The following TMTC1 variants were observed in gnomAD, a reference collection of about 807,000 sequenced individuals.
TMTC1 encodes transmembrane O-mannosyltransferase targeting cadherins 1, also known as protein O-mannosyl-transferase TMTC1.
TMTC1 carries 73 observed loss-of-function variants against 104.8 expected under a neutral mutation model. The observed-to-expected ratio is 0.70, with a 90% confidence interval of 0.58 to 0.85. The LOEUF (loss-of-function observed/expected upper bound fraction) is 0.85, where lower values mean the gene tolerates loss of function less well. Among genes scored for constraint, TMTC1 ranks in the 40% least tolerant of loss-of-function variants. The pLI is 0.00. For missense variants in TMTC1, 1,035 were observed against 1,096.1 expected, an observed-to-expected ratio of 0.94 and a Z score of 0.79; for synonymous variants, 434 against 428.7, an observed-to-expected ratio of 1.01 and a Z score of -0.15.
intron 4 of TMTC1, 62 bp downstream of exon 4, chr12:29,755,647 A>ATTGT (rs3830194): frequency 6.3e-6 from 9 of 1,431,656 alleles, no homozygotes; most frequent in Non-Finnish European, 7.6e-6. Flanking sequence ...TTTGGAAACT[A>ATTGT]TTAAGTAATT....
At chr12:29,630,279 A>G (rs1002073872) in intron 6 of TMTC1, among the ~76,000 whole-genome samples, 1 of 152,210 alleles carries the variant, frequency 6.6e-6, no homozygotes, top group East Asian at 1.9e-4. Context: ...AGGCTTCAGG[A>G]AACTTACAAT....
chr12:29,688,262 C>A (rs1039715485), intron 5 of TMTC1, among the ~76,000 whole-genome samples: 7 of 152,124 alleles, frequency 4.6e-5, no homozygotes, highest in African/African-American at 1.7e-4. Flanking sequence ...TAGACTCCTT[C>A]CCATCTCTCT....
At chr12:29,648,848 G>A (rs73073468) in intron 5 of TMTC1, among the ~76,000 whole-genome samples, 17,937 of 151,980 alleles carry the variant, frequency 0.12, 1,066 homozygotes, top group African/African-American at 0.14. Context: ...AATTATGAAT[G>A]GGATTTTTTA....
At chr12:29,521,304 G>A (rs751952186) in intron 11 of TMTC1, among the ~76,000 whole-genome samples, 4 of 152,192 alleles carry the variant, frequency 2.6e-5, no homozygotes, top group Non-Finnish European at 5.9e-5. Context: ...CTTGAAGTAT[G>A]TCTACAGCCC....
chr12:29,553,354 C>G (rs1014696812), intron 10 of TMTC1, among the ~76,000 whole-genome samples: 1 of 152,126 alleles, frequency 6.6e-6, no homozygotes, highest in East Asian at 1.9e-4. Context: ...TTAAAAGAAA[C>G]TTATCTGTAA....
intron 11 of TMTC1, among the ~76,000 whole-genome samples, chr12:29,524,369 T>C (rs1203848815): frequency 1.3e-5 from 2 of 152,216 alleles, no homozygotes; most frequent in Admixed American, 6.5e-5. Context: ...ATCTCTGTAA[T>C]AGTCAATGCA....
chr12:29,571,187 T>G (rs1945666335), intron 9 of TMTC1, among the ~76,000 whole-genome samples: 1 of 152,168 alleles, frequency 6.6e-6, no homozygotes, highest in African/African-American at 2.4e-5. Context: ...TTCAAAGGCT[T>G]CTGTGAGCAT....
intron 5 of TMTC1, among the ~76,000 whole-genome samples, chr12:29,716,020 T>C (rs1942070027): frequency 2.0e-5 from 3 of 146,884 alleles, no homozygotes; most frequent in African/African-American, 7.6e-5. Flanking sequence ...ATTATTATTA[T>C]TATTATTATT....
At chr12:29,686,071 A>C (rs1941082377) in intron 5 of TMTC1, among the ~76,000 whole-genome samples, 1 of 152,144 alleles carries the variant, frequency 6.6e-6, no homozygotes, top group Non-Finnish European at 1.5e-5. Flanking sequence ...CACTGAACTA[A>C]AACTTTCACT....
chr12:29,647,278 C>T (rs936340262), intron 5 of TMTC1, among the ~76,000 whole-genome samples: 4 of 152,072 alleles, frequency 2.6e-5, no homozygotes, highest in Non-Finnish European at 4.4e-5. Flanking sequence ...CTTCAGCCTC[C>T]CAAAGTGCTA....
chr12:29,516,551 G>A, intron 14 of TMTC1, 65 bp from the exon 15 acceptor site: 2 of 1,520,000 alleles, frequency 1.3e-6, no homozygotes, highest in South Asian at 2.6e-5. Flanking sequence ...AAGCATCCCT[G>A]AATAGAAGCA....
chr12:29,700,827 C>T (rs1941568164), intron 5 of TMTC1, among the ~76,000 whole-genome samples: 1 of 152,124 alleles, frequency 6.6e-6, no homozygotes, highest in African/African-American at 2.4e-5. Flanking sequence ...TGTGATGTCT[C>T]ACAGCCAATG....
chr12:29,601,748 C>A (rs1946570554), intron 7 of TMTC1, among the ~76,000 whole-genome samples: 1 of 152,000 alleles, frequency 6.6e-6, no homozygotes, highest in Non-Finnish European at 1.5e-5. Context: ...TATCAGCTAC[C>A]TCAGGGAACT....
At chr12:29,668,157 T>C (rs1029322205) in intron 5 of TMTC1, among the ~76,000 whole-genome samples, 6 of 152,248 alleles carry the variant, frequency 3.9e-5, no homozygotes, top group African/African-American at 1.4e-4. Context: ...TGTAATAAAA[T>C]ACCACAGACT....
intron 5 of TMTC1, among the ~76,000 whole-genome samples, chr12:29,644,581 G>C (rs187892979): frequency 2.7e-4 from 41 of 152,140 alleles, no homozygotes; most frequent in African/African-American, 9.4e-4. Context: ...AAGATTCTTA[G>C]GGAAACAAAA....
At chr12:29,603,559 T>C (rs1377862419) in intron 7 of TMTC1, among the ~76,000 whole-genome samples, 1 of 152,074 alleles carries the variant, frequency 6.6e-6, no homozygotes, top group Non-Finnish European at 1.5e-5. Context: ...TTCAGTGACA[T>C]TTTCAAGCAT....
At chr12:29,559,401 G>A (rs1050947301) in intron 9 of TMTC1, among the ~76,000 whole-genome samples, 2 of 152,180 alleles carry the variant, frequency 1.3e-5, no homozygotes, top group African/African-American at 4.8e-5. Flanking sequence ...GAACAGCCAT[G>A]TATTTCAAAG....
intron 2 of TMTC1, among the ~76,000 whole-genome samples, chr12:29,763,415 C>T (rs551378654): frequency 6.6e-6 from 1 of 152,244 alleles, no homozygotes; most frequent in African/African-American, 2.4e-5. Context: ...ATGTCTAGAC[C>T]AGCCATTCAT....
chr12:29,734,041 T>A (rs1284639501), intron 5 of TMTC1, among the ~76,000 whole-genome samples: 1 of 152,220 alleles, frequency 6.6e-6, no homozygotes, highest in Admixed American at 6.5e-5. Context: ...TAGGTCTTTG[T>A]GCCTTTTCAT....
Sources: allele counts gnomAD v4.1 joint callset (sites outside exome capture counted in the v4.1 genomes callset), GRCh38; gene constraint gnomAD v4.1.1; transcripts MANE v1.5; gene names NCBI Gene and HGNC (gene_info 2026-07-23, HGNC 2026-07-21).